HTATSF1: variants seen among roughly 807,000 people sequenced by gnomAD.
HTATSF1 encodes the protein HIV-1 Tat specific factor 1.
Under a neutral mutation model 46.1 loss-of-function variants are expected in HTATSF1, and 6 were observed. The observed-to-expected ratio is 0.13, with a 90% confidence interval of 0.07 to 0.26. HTATSF1 has a LOEUF of 0.26. HTATSF1 is among the 10% of genes least tolerant of loss of function. The probability of loss-of-function intolerance (pLI) is 1.00; values close to 1 mark genes in which losing one functional copy is unlikely to be tolerated. For synonymous variants in HTATSF1, 226 were observed against 211.5 expected, an observed-to-expected ratio of 1.07 and a Z score of -0.60; for missense variants, 452 against 559.9, an observed-to-expected ratio of 0.81 and a Z score of 1.94.
chrX:136,508,531 T>G (rs1296628630), intron 6 of HTATSF1, among the ~76,000 whole-genome samples: 1 of 112,690 alleles, frequency 8.9e-6, no homozygotes, highest in East Asian at 2.8e-4. Context: ...AACAGCTCCT[T>G]ATTTGTATGG....
intron 4 of HTATSF1, among the ~76,000 whole-genome samples, chrX:136,502,322 T>C (rs1053177612): frequency 8.9e-6 from 1 of 111,915 alleles, no homozygotes; most frequent in Non-Finnish European, 1.9e-5. Flanking sequence ...TTAAAAGAAA[T>C]ACACCTTAGA....
At chrX:136,503,451 GATAA>G (rs2075728301) in intron 5 of HTATSF1, among the ~76,000 whole-genome samples, 1 of 112,066 alleles carries the variant, frequency 8.9e-6, no homozygotes, top group Non-Finnish European at 1.9e-5. Flanking sequence ...TAGTCAAAAT[GATAA>G]ATACTTTTAT....
At chrX:136,502,511 C>T (rs1179949853) in intron 4 of HTATSF1, among the ~76,000 whole-genome samples, 1 of 110,676 alleles carries the variant, frequency 9.0e-6, no homozygotes, top group Admixed American at 9.7e-5. Flanking sequence ...TATTTCCATT[C>T]TACATACGAC....
chrX:136,509,720 T>C (rs894859729), intron 7 of HTATSF1, among the ~76,000 whole-genome samples: 33 of 112,257 alleles, frequency 2.9e-4, no homozygotes, highest in African/African-American at 1.0e-3. Context: ...ACTTTAGAAA[T>C]TGAACACCTG....
Position 136,511,887 on chromosome X carries a change from TGA to T in HTATSF1, c.2145_2146del (p.Lys716ValfsTer3), listed in dbSNP as rs1260952308. 1 of 1,209,858 alleles carries T rather than the reference TGA, an allele frequency of 8.3e-7. No homozygotes were observed. Among genetic ancestry groups the T allele is most frequent in the Non-Finnish European group, 1.1e-6 (1 of 895,120 alleles). The part of the protein sequence containing the change: ...KLFDEEEDSS[E>X]KLFDDSDERG... The stretch of plus-strand genomic sequence containing the variant: ...TGTTTGATGAGGAGGAAGATTCCAG[TGA>T]GAAGTTGTTTGACGATTCTGATGAG... On this transcript the variant is annotated frameshift_variant, in exon 9 of 9. Coordinates refer to ENST00000218364, the MANE Select transcript of HTATSF1 (RefSeq NM_014500.5). LOFTEE classifies it high-confidence loss of function.
At chrX:136,502,274 G>T (rs998919281) in intron 4 of HTATSF1, among the ~76,000 whole-genome samples, 4 of 111,720 alleles carry the variant, frequency 3.6e-5, no homozygotes, top group African/African-American at 1.3e-4. Context: ...CCAATTCCTT[G>T]AGTCATCTAG....
chrX:136,508,315 T>C (rs2075751862), intron 6 of HTATSF1, among the ~76,000 whole-genome samples: 1 of 112,391 alleles, frequency 8.9e-6, no homozygotes, highest in African/African-American at 3.2e-5. Flanking sequence ...AAGCTGATAA[T>C]GTAGCTTTTC....
chrX:136,497,480 C>T, upstream of HTATSF1: 1 of 217,264 alleles, frequency 4.6e-6, no homozygotes. Context: ...TCAGCGCGCG[C>T]GCGCGGTGGG....
chrX:136,507,602 T>G (rs1246079012), intron 6 of HTATSF1, among the ~76,000 whole-genome samples: 1 of 108,600 alleles, frequency 9.2e-6, no homozygotes, highest in Non-Finnish European at 1.9e-5. Context: ...GAGACATTGG[T>G]GTAGAAATGG....
In HTATSF1 at chrX:136,512,271, A is replaced by G. The variant is rs777036071; in HGVS notation, c.*258A>G. The G allele has an allele frequency of 6.5e-5, 17 of 260,345 alleles. No homozygotes were observed. In the Admixed American group the frequency reaches 6.8e-4, roughly 10 times the overall value. 21.5% of individuals were successfully genotyped at this position (260,345 alleles called of 1,213,427 possible). A position where few individuals can be genotyped will look rare whatever the true frequency, so the allele number is the denominator to read the frequency against. ...AGATTTGTTAAATGCATGCAGAATA[A>G]TATTTTTAAGAGTATTGATTGAAGT... On this transcript the variant is annotated 3_prime_UTR_variant, in exon 9 of 9. Coordinates refer to ENST00000218364, the MANE Select transcript of HTATSF1 (RefSeq NM_014500.5).
chrX:136,500,611 A>G, intron 3 of HTATSF1, 53 bp from the exon 4 acceptor site: 1 of 806,828 alleles, frequency 1.2e-6, no homozygotes, highest in Non-Finnish European at 1.8e-6. Flanking sequence ...AATGCTAAGT[A>G]ATTCACCTTC....
At chrX:136,498,906 T>C (rs1302865461) in intron 1 of HTATSF1, among the ~76,000 whole-genome samples, 1 of 113,050 alleles carries the variant, frequency 8.8e-6, no homozygotes, top group Non-Finnish European at 1.9e-5. Flanking sequence ...CTAATATTGA[T>C]TGGTATGATG....
intron 6 of HTATSF1, among the ~76,000 whole-genome samples, chrX:136,505,712 AACCC>A (rs942375862): frequency 8.9e-6 from 1 of 111,754 alleles, no homozygotes; most frequent in Non-Finnish European, 1.9e-5. Flanking sequence ...GAATCACCTG[AACCC>A]GGTAGGCAGA....
In HTATSF1 at chrX:136,512,123, G is replaced by A. The variant is rs1426061911; in HGVS notation, c.*110G>A. The stretch of plus-strand genomic sequence containing the variant: ...TGTGCATAGTGGTAGGATGCCATCA[G>A]ATTAAAGCATTGAAGTGTTTCATTG... On this transcript the variant is annotated 3_prime_UTR_variant, in exon 9 of 9. Transcript: ENST00000218364. 9.8e-6 allele frequency: 8 copies of A among 815,011 alleles called. No individual in the cohort carries two copies. Among genetic ancestry groups the A allele is most frequent in the Non-Finnish European group, 1.4e-5 (8 of 580,791 alleles). 67.2% of individuals were successfully genotyped at this position (815,011 alleles called of 1,213,427 possible).
At chrX:136,498,887 C>T (rs2075704410) in intron 1 of HTATSF1, among the ~76,000 whole-genome samples, 1 of 112,828 alleles carries the variant, frequency 8.9e-6, no homozygotes. Flanking sequence ...TTCCCCATTC[C>T]ATGCCTGCCT....
chrX:136,509,026 T>C (rs1362085563), intron 6 of HTATSF1, 65 bp from the exon 7 acceptor site: 2 of 768,535 alleles, frequency 2.6e-6, no homozygotes, highest in Non-Finnish European at 4.0e-6. Context: ...GAACAAGAAA[T>C]TGGATTCTCA....
At chrX:136,502,977 T>C (rs750314583) in intron 5 of HTATSF1, 36 bp downstream of exon 5, 4 of 945,672 alleles carry the variant, frequency 4.2e-6, no homozygotes, top group Non-Finnish European at 5.6e-6. Context: ...AGGTTCCATA[T>C]ATTCTAGAGT....
chrX:136,502,514 C>T (rs1169930767), intron 4 of HTATSF1, among the ~76,000 whole-genome samples: 1 of 110,856 alleles, frequency 9.0e-6, no homozygotes, highest in Non-Finnish European at 1.9e-5. Context: ...TTCCATTCTA[C>T]ATACGACGAT....
chrX:136,512,063 G>C lies in HTATSF1; in HGVS notation c.*50G>C. On this transcript the variant is annotated 3_prime_UTR_variant, in exon 9 of 9. Transcript: ENST00000218364. ...GAGTCCTCCATCTACATTTGCCTGT[G>C]CTTCAGGGTAATTACTAGTAGTGTT... The C allele has an allele frequency of 2.7e-6, 3 of 1,127,788 alleles. No homozygotes were observed. The South Asian group carries it at 6.3e-5, about 24-fold the overall frequency. 92.9% of individuals were successfully genotyped at this position (1,127,788 alleles called of 1,213,427 possible).
Sources: allele counts gnomAD v4.1 joint callset (sites outside exome capture counted in the v4.1 genomes callset), GRCh38; gene constraint gnomAD v4.1.1; transcripts MANE v1.5; gene names NCBI Gene and HGNC (gene_info 2026-07-23, HGNC 2026-07-21).